SSH2: variants seen among roughly 807,000 people sequenced by gnomAD.
SSH2 encodes the protein slingshot protein phosphatase 2.
SSH2 carries 37 observed loss-of-function variants against 135.2 expected under a neutral mutation model. That is an observed-to-expected ratio of 0.27 (90% CI 0.21 to 0.36). The LOEUF (loss-of-function observed/expected upper bound fraction) is 0.36. Among genes scored for constraint, SSH2 ranks in the 10% least tolerant of loss-of-function variants. The probability of loss-of-function intolerance (pLI) is 1.00; values close to 1 mark genes in which losing one functional copy is unlikely to be tolerated. For synonymous variants in SSH2, 628 were observed against 646.2 expected, an observed-to-expected ratio of 0.97 and a Z score of 0.43; for missense variants, 1,408 against 1,765.3, an observed-to-expected ratio of 0.80 and a Z score of 3.63.
At chr17:29,848,979 A>C (rs1284675262) in intron 1 of SSH2, 50 bp from the exon 2 acceptor site, 8 of 1,280,750 alleles carry the variant, frequency 6.2e-6, no homozygotes, top group Non-Finnish European at 8.7e-6. Context: ...TGGGCCCATA[A>C]GCACGAGGGG....
intron 3 of SSH2, among the ~76,000 whole-genome samples, chr17:29,750,267 A>G (rs2040887049): frequency 6.6e-6 from 1 of 150,974 alleles, no homozygotes; most frequent in Non-Finnish European, 1.5e-5. Context: ...GCGAAACCCC[A>G]TCTCTACCAC....
At chr17:29,744,195 G>A (rs902328717) in intron 3 of SSH2, among the ~76,000 whole-genome samples, 15 of 152,142 alleles carry the variant, frequency 9.9e-5, no homozygotes, top group South Asian at 4.1e-4. Context: ...GCCCGCTGCC[G>A]GGGGTGAGGG....
rs372465370 is a variant in SSH2, at chr17:29,630,562, T to C, written c.*279A>G. 37 of 232,042 alleles carry C rather than the reference T, an allele frequency of 1.6e-4. No homozygotes were observed. Among genetic ancestry groups the C allele is most frequent in the African/African-American group, 4.9e-4 (22 of 44,448 alleles). 14.4% of individuals were successfully genotyped at this position (232,042 alleles called of 1,614,324 possible). A position where few individuals can be genotyped will look rare whatever the true frequency, so the allele number is the denominator to read the frequency against. On this transcript the variant is annotated 3_prime_UTR_variant, in exon 16 of 16. Transcript: ENST00000540801. ...GTGGCAGCTGACTGAAAAACAGCAA[T>C]TTGCCTTTGATAAAGGTGTTCTCTG...
chr17:29,658,121 A>C (rs2036868066), intron 11 of SSH2, among the ~76,000 whole-genome samples: 2 of 148,680 alleles, frequency 1.3e-5, no homozygotes, highest in African/African-American at 5.0e-5. Context: ...CTCCTTCCTC[A>C]GCCTCCTGAG....
At chr17:29,637,535 T>C (rs2035960078) in intron 14 of SSH2, among the ~76,000 whole-genome samples, 1 of 152,158 alleles carries the variant, frequency 6.6e-6, no homozygotes, top group South Asian at 2.1e-4. Flanking sequence ...ATCTCAGCAC[T>C]TCATGGGAGG....
intron 4 of SSH2, 109 bp downstream of exon 4, chr17:29,702,850 T>C: frequency 1.1e-6 from 1 of 924,130 alleles, no homozygotes. Flanking sequence ...CAATGCTTTC[T>C]TTCACCATTA....
chr17:29,870,290 A>G (rs1200039227), intron 1 of SSH2, among the ~76,000 whole-genome samples: 1 of 151,712 alleles, frequency 6.6e-6, no homozygotes, highest in Non-Finnish European at 1.5e-5. Context: ...AAAAAAAAAA[A>G]AGCAAAATAT....
At chr17:29,878,319 C>T (rs1465757755) in intron 1 of SSH2, among the ~76,000 whole-genome samples, 2 of 151,592 alleles carry the variant, frequency 1.3e-5, no homozygotes, top group African/African-American at 2.4e-5. Context: ...CCTAGCTACT[C>T]GGGAGGCTGA....
intron 6 of SSH2, among the ~76,000 whole-genome samples, chr17:29,678,865 C>T (rs1364441247): frequency 2.0e-5 from 3 of 151,908 alleles, no homozygotes; most frequent in Non-Finnish European, 4.4e-5. Flanking sequence ...TATGCATGTG[C>T]CACCATGCCC....
chr17:29,817,029 TCTAAGTAAAA>T (rs1181573372), intron 2 of SSH2, among the ~76,000 whole-genome samples: 1 of 152,060 alleles, frequency 6.6e-6, no homozygotes, highest in Non-Finnish European at 1.5e-5. Flanking sequence ...CTAATATAAA[TCTAAGTAAAA>T]CTACACGAAT....
chr17:29,845,468 A>T (rs949455962), intron 2 of SSH2, among the ~76,000 whole-genome samples: 1 of 152,260 alleles, frequency 6.6e-6, no homozygotes, highest in Non-Finnish European at 1.5e-5. Flanking sequence ...TTAAAAAGCC[A>T]GCCAAGTACA....
At chr17:29,680,791 G>A (rs900123323) in intron 6 of SSH2, among the ~76,000 whole-genome samples, 1 of 152,080 alleles carries the variant, frequency 6.6e-6, no homozygotes, top group Non-Finnish European at 1.5e-5. Context: ...TAGTTTTACA[G>A]TAGCTTTTTG....
chr17:29,688,912 T>C (rs1225117792), intron 5 of SSH2, among the ~76,000 whole-genome samples: 4 of 152,100 alleles, frequency 2.6e-5, no homozygotes, highest in Non-Finnish European at 1.5e-5. Context: ...TCCCAAAACT[T>C]TGGGAGGCTG....
intron 11 of SSH2, among the ~76,000 whole-genome samples, chr17:29,657,811 G>A (rs2036856423): frequency 6.6e-6 from 1 of 151,938 alleles, no homozygotes; most frequent in Admixed American, 6.6e-5. Context: ...TTGGCCTCAA[G>A]TGATCCTCCC....
chr17:29,916,317 C>G (rs1277474905), intron 1 of SSH2, among the ~76,000 whole-genome samples: 3 of 152,132 alleles, frequency 2.0e-5, no homozygotes, highest in African/African-American at 7.2e-5. Context: ...CATATTGCCC[C>G]TATTTTACAG....
At chr17:29,925,642 G>C (rs2067050958) in intron 1 of SSH2, 1 of 393,412 alleles carries the variant, frequency 2.5e-6, no homozygotes. Context: ...CCACGAACTT[G>C]AGGCTGCAGT....
At chr17:29,633,790 C>T (rs1055566929) in intron 15 of SSH2, among the ~76,000 whole-genome samples, 4 of 152,190 alleles carry the variant, frequency 2.6e-5, no homozygotes, top group African/African-American at 9.7e-5. Flanking sequence ...CTGGGAATAG[C>T]CCTTGGACAC....
intron 2 of SSH2, among the ~76,000 whole-genome samples, chr17:29,834,174 T>C (rs1304930951): frequency 1.3e-5 from 2 of 151,920 alleles, no homozygotes; most frequent in Admixed American, 1.3e-4. Context: ...CAAAAGAAGT[T>C]AAATGACTTT....
intron 2 of SSH2, among the ~76,000 whole-genome samples, chr17:29,843,704 G>GA (rs1305792477): frequency 5.3e-5 from 8 of 152,252 alleles, no homozygotes; most frequent in Admixed American, 3.3e-4. Flanking sequence ...AGAACCCTGA[G>GA]AATTGAAGTC....
Sources: gnomAD v4.1 joint callset for allele counts (sites outside exome capture counted in the v4.1 genomes callset) on GRCh38, gnomAD v4.1.1 for gene constraint, MANE v1.5 for transcripts, NCBI Gene and HGNC (gene_info 2026-07-23, HGNC 2026-07-21) for gene names.